HK1: variants seen among roughly 807,000 people sequenced by gnomAD.
HK1 encodes the protein hexokinase-1.
HK1 carries 28 observed loss-of-function variants against 91.6 expected under a neutral mutation model. That is an observed-to-expected ratio of 0.31 (90% confidence interval 0.23 to 0.42). The LOEUF (loss-of-function observed/expected upper bound fraction) is 0.42. HK1 is among the 10% of genes least tolerant of loss of function. HK1 has a pLI of 1.00. For missense variants in HK1, 770 were observed against 1,219.8 expected (o/e 0.63, Z 5.49); for synonymous variants, 430 against 468.1 (o/e 0.92, Z 1.05).
chr10:69,315,737 C>G (rs985098971), upstream of HK1: 8 of 617,156 alleles, frequency 1.3e-5, no homozygotes, highest in Non-Finnish European at 2.1e-5. Context: ...AGAAGACAGT[C>G]ACCCATATCA....
chr10:69,318,007 G>A (rs1846737673), upstream of HK1: 1 of 978,260 alleles, frequency 1.0e-6, no homozygotes, highest in Admixed American at 6.2e-5. Context: ...AAGTCCCAGT[G>A]GGCCTGGATG....
At chr10:69,326,185 G>A (rs1381007408) in intron 1 of HK1, among the ~76,000 whole-genome samples, 5 of 150,970 alleles carry the variant, frequency 3.3e-5, no homozygotes, top group Non-Finnish European at 7.4e-5. Context: ...GGAACACTTC[G>A]TGAGTGTCAT....
intron 1 of HK1, among the ~76,000 whole-genome samples, chr10:69,327,320 A>G (rs1004437232): frequency 6.6e-6 from 1 of 152,170 alleles, no homozygotes; most frequent in Admixed American, 6.5e-5. Context: ...AAATGGTGCT[A>G]TACTGTATGT....
rs561930208 is a variant in HK1 at position 69,369,221 on chromosome 10, C to T, written c.592-16C>T. ...CATGTGTGAGTGGACAATGACACCC[C>T]GTTATCTGTCCCCAGGACTATGATG... is the stretch of plus-strand genomic sequence containing the variant. On this transcript the variant is annotated splice_polypyrimidine_tract_variant and intron_variant, in intron 5 of 17. Coordinates refer to ENST00000359426, the MANE Select transcript of HK1 (RefSeq NM_000188.3). The surrounding 1 kb of genome is among the most constrained non-coding windows in gnomAD (Gnocchi z 4.4). 2.5e-5 allele frequency: 40 copies of T among 1,590,420 alleles called. No homozygotes were observed. Among genetic ancestry groups the T allele is most frequent in the African/African-American group, 2.1e-4 (16 of 74,626 alleles).
At chr10:69,384,586 G>T in intron 11 of HK1, 105 bp downstream of exon 11, 1 of 1,487,488 alleles carries the variant, frequency 6.7e-7, no homozygotes, top group Non-Finnish European at 9.4e-7. Context: ...ATGGATTTGT[G>T]TCCTTGTGGC....
chr10:69,364,726 T>C, intron 3 of HK1, 57 bp from the exon 4 acceptor site: 1 of 1,607,618 alleles, frequency 6.2e-7, no homozygotes, highest in Non-Finnish European at 8.5e-7. Flanking sequence ...TTTATATTTT[T>C]CTATGAAATG....
chr10:69,367,435 G>A (rs985116850), intron 4 of HK1, among the ~76,000 whole-genome samples: 1 of 152,188 alleles, frequency 6.6e-6, no homozygotes, highest in African/African-American at 2.4e-5. Flanking sequence ...AGTATGAAGT[G>A]GGACCAGGTC....
intron 1 of HK1, among the ~76,000 whole-genome samples, chr10:69,334,521 G>GGCCGCT (rs1346378465): frequency 1.3e-5 from 2 of 152,202 alleles, no homozygotes; most frequent in Non-Finnish European, 2.9e-5. Flanking sequence ...TAAAGTGAGA[G>GGCCGCT]GCCGCTGCCG....
chr10:69,390,387 C>T (rs75537644), intron 14 of HK1, among the ~76,000 whole-genome samples: 2 of 14,126 alleles, frequency 1.4e-4, no homozygotes, highest in African/African-American at 9.0e-4. Context: ...TTCATAGCTA[C>T]TTCATAGCTA....
At chr10:69,300,177 C>G (rs1845787654) in intron 4 of HK1, among the ~76,000 whole-genome samples, 1 of 151,686 alleles carries the variant, frequency 6.6e-6, no homozygotes, top group Admixed American at 6.6e-5. Context: ...TCATCACCCC[C>G]CAAAATCCCT....
At chr10:69,361,278 C>G (rs970683742) in intron 3 of HK1, among the ~76,000 whole-genome samples, 1 of 152,238 alleles carries the variant, frequency 6.6e-6, no homozygotes, top group Non-Finnish European at 1.5e-5. Flanking sequence ...TGGCCCTGCC[C>G]AAGGGCTCCC....
At position 69,398,725 on chromosome 10, in the gene HK1, G is replaced by A. The variant is rs773615425; in HGVS notation, c.2506G>A (p.Ala836Thr). 11 of 1,614,070 alleles carry A rather than the reference G, an allele frequency of 6.8e-6. No homozygotes were observed. The highest frequency in any genetic ancestry group is 5.0e-5 in the Admixed American group (3 of 60,010). ...VSRRAAQLCG[A>T]GMAAVVDKIR... is the part of the protein sequence containing the mutation. ...CAGGAGGGCCGCACAGCTGTGTGGCGCAGGCATGGCTGCGGTTGTGGATAA... is the reference window on the plus strand; with the variant it reads ...CAGGAGGGCCGCACAGCTGTGTGGCACAGGCATGGCTGCGGTTGTGGATAA... Residue 836 changes from alanine to threonine, a missense_variant, in exon 17 of 18, where the codon GCA becomes ACA. By Grantham distance (58) the Ala-to-Thr change is moderately conservative. Coordinates refer to ENST00000359426, the MANE Select transcript of HK1 (RefSeq NM_000188.3).
At position 69,401,272 on chromosome 10, in the gene HK1, A is replaced by G; in HGVS notation, c.*137A>G. ...GCGGGGAGGAAAGCAAAATCCAACT[A>G]ATGGTATATATTGTAGGGTACAGAA... On this transcript the variant is annotated 3_prime_UTR_variant, in exon 18 of 18. Transcript: ENST00000359426. 1 of 885,832 alleles carries G rather than the reference A, an allele frequency of 1.1e-6. No individual in the cohort carries two copies. Among genetic ancestry groups the G allele is most frequent in the South Asian group, 1.4e-5 (1 of 70,024 alleles). The allele number at this position is 885,832 out of a possible 1,614,324, so 54.9% of individuals were successfully genotyped here.
At chr10:69,389,468 GC>G in intron 14 of HK1, 172 bp downstream of exon 14, 19 of 642,214 alleles carry the variant, frequency 3.0e-5, no homozygotes, top group South Asian at 7.6e-5. Flanking sequence ...AGAGTCTCTG[GC>G]GGGGGGAGGT....
At chr10:69,302,343 A>G (rs1420988342) in intron 5 of HK1, among the ~76,000 whole-genome samples, 2 of 151,098 alleles carry the variant, frequency 1.3e-5, no homozygotes, top group Non-Finnish European at 2.9e-5. Context: ...TGAAATTGAG[A>G]GTTCAGAAAT....
intron 1 of HK1, among the ~76,000 whole-genome samples, chr10:69,328,316 C>T (rs902458134): frequency 1.3e-5 from 2 of 152,234 alleles, no homozygotes; most frequent in Non-Finnish European, 2.9e-5. Flanking sequence ...TGCCTGATTA[C>T]AGGCTCCAGA....
intron 2 of HK1, among the ~76,000 whole-genome samples, chr10:69,347,107 C>T (rs1413949662): frequency 6.6e-6 from 1 of 151,144 alleles, no homozygotes; most frequent in Non-Finnish European, 1.5e-5. Flanking sequence ...CACGATGGTT[C>T]AAGCGATCCT....
chr10:69,368,468 A>C lies in HK1; in HGVS notation c.496-68A>C, dbSNP rs543999268. On this transcript the variant is annotated intron_variant, in intron 4 of 17. Transcript: ENST00000359426. ...TCTGCTTCATCCCTGTCCTGGAGCAATGCCCAGGGCCTTGGGGTGCTGGAG... is the reference window on the plus strand; with the variant it reads ...TCTGCTTCATCCCTGTCCTGGAGCACTGCCCAGGGCCTTGGGGTGCTGGAG... 1.6e-4 allele frequency: 222 copies of C among 1,356,426 alleles called. No homozygotes were observed. The South Asian group carries it at 2.5e-3, about 15-fold the overall frequency. 84.0% of individuals were successfully genotyped at this position (1,356,426 alleles called of 1,614,324 possible).
intron 1 of HK1, among the ~76,000 whole-genome samples, chr10:69,280,395 G>A (rs1218207549): frequency 1.3e-5 from 2 of 152,224 alleles, no homozygotes; most frequent in South Asian, 2.1e-4. Context: ...GGGATTACAG[G>A]CGTGAGCCAC....
Sources: allele counts gnomAD v4.1 joint callset (sites outside exome capture counted in the v4.1 genomes callset), GRCh38; gene constraint gnomAD v4.1.1; non-coding constraint Gnocchi (gnomAD v3.1); transcripts MANE v1.5; gene names NCBI Gene and HGNC (gene_info 2026-07-23, HGNC 2026-07-21).